CNOT4: variants seen among roughly 807,000 people sequenced by gnomAD.
CNOT4 encodes CCR4-NOT transcription complex subunit 4, also known as CCR4-associated factor 4.
A neutral mutation model predicts 73.8 loss-of-function variants in CNOT4; 8 were observed. That is an observed-to-expected ratio of 0.11 (90% CI 0.06 to 0.20). The LOEUF (loss-of-function observed/expected upper bound fraction) is 0.20, where lower values mean the gene tolerates loss of function less well. Among genes scored for constraint, CNOT4 ranks in the 10% least tolerant of loss-of-function variants. CNOT4 has a pLI of 1.00. For synonymous variants in CNOT4, 293 were observed against 321.1 expected (o/e 0.91, Z 0.94); for missense variants, 564 against 883.4 (o/e 0.64, Z 4.58).
At chr7:135,464,440 G>A (rs1801095225) in intron 1 of CNOT4, among the ~76,000 whole-genome samples, 4 of 152,146 alleles carry the variant, frequency 2.6e-5, no homozygotes, top group Admixed American at 2.6e-4. Context: ...GGAACAGACA[G>A]CCAAATACTG....
intron 1 of CNOT4, among the ~76,000 whole-genome samples, chr7:135,448,714 A>C (rs1309271818): frequency 6.6e-6 from 1 of 152,196 alleles, no homozygotes; most frequent in Non-Finnish European, 1.5e-5. Context: ...TGCAGAAGGA[A>C]GGTATAATGA....
chr7:135,488,615 TTTTG>T (rs1802897926), intron 1 of CNOT4, among the ~76,000 whole-genome samples: 1 of 152,188 alleles, frequency 6.6e-6, no homozygotes, highest in Non-Finnish European at 1.5e-5. Flanking sequence ...AGTGCAGGTG[TTTTG>T]TTTATTTGCT....
At position 135,495,895 on chromosome 7, in the gene CNOT4, C is replaced by T. The variant is rs555393361; in HGVS notation, c.-93+13994G>A. Among the ~76,000 whole-genome samples the T allele has an allele frequency of 2.0e-5, 3 of 151,572 alleles. No homozygotes were observed. In the East Asian group the frequency reaches 5.9e-4, roughly 30 times the overall value. Reference sequence around the variant, plus strand: ...GCTGCAATAAGCTATGATTGTGCCACTGCACTCCAGCCTGGAAAACAAAGG... The same window carrying T: ...GCTGCAATAAGCTATGATTGTGCCATTGCACTCCAGCCTGGAAAACAAAGG... On this transcript the variant is annotated intron_variant, in intron 1 of 11. Coordinates refer to ENST00000541284, the MANE Select transcript of CNOT4 (RefSeq NM_001190850.2).
rs756166559 is a variant in CNOT4 at position 135,410,561 on chromosome 7, C to A, written c.775G>T (p.Val259Phe). 3 of 1,574,552 alleles carry A rather than the reference C, an allele frequency of 1.9e-6. No homozygotes were observed. In the African/African-American group the frequency reaches 4.1e-5, roughly 22 times the overall value. The change falls in exon 7 of 12, where the codon GTT becomes TTT. Residue 259 changes from valine (V) to phenylalanine (F), a missense_variant. By Grantham distance (50) the Val-to-Phe change is conservative. Around this residue, in one of 10 missense-constraint regions of CNOT4, gnomAD observed 135 missense variants for 154.0 expected, o/e 0.88. Transcript: ENST00000541284. ...PNFLQLSTGSVDKNKNKVTPL... is the reference protein window; with the variant it reads ...PNFLQLSTGSFDKNKNKVTPL... ...GTCACTTTGTTCTTATTTTTATCAA[C>A]TGAACCCGTAGATAGCTGAAGAAAA...
At chr7:135,381,766 T>C (rs1234195321) in intron 10 of CNOT4, among the ~76,000 whole-genome samples, 1 of 152,170 alleles carries the variant, frequency 6.6e-6, no homozygotes, top group Non-Finnish European at 1.5e-5. Flanking sequence ...AAATAATTAA[T>C]TGAACGTTAT....
chr7:135,390,017 G>C (rs1232634525), intron 10 of CNOT4, among the ~76,000 whole-genome samples: 1 of 152,012 alleles, frequency 6.6e-6, no homozygotes, highest in Non-Finnish European at 1.5e-5. Flanking sequence ...ATATTAATAA[G>C]GACTAAGAAA....
chr7:135,488,179 CT>C (rs1387813917), intron 1 of CNOT4, among the ~76,000 whole-genome samples: 2 of 152,014 alleles, frequency 1.3e-5, no homozygotes, highest in Non-Finnish European at 2.9e-5. Context: ...AAACTTAAGT[CT>C]TTTTTTGAGC....
chr7:135,432,986 A>G (rs1798936049), intron 2 of CNOT4, among the ~76,000 whole-genome samples: 1 of 152,192 alleles, frequency 6.6e-6, no homozygotes, highest in Non-Finnish European at 1.5e-5. Context: ...TTCCAAATAA[A>G]AAAGTTTGTG....
At chr7:135,444,498 G>A in intron 1 of CNOT4, 6 of 873,082 alleles carry the variant, frequency 6.9e-6, no homozygotes, top group African/African-American at 1.6e-5. Context: ...TGCCCAAGGA[G>A]GTCGAGCTCT....
intron 10 of CNOT4, among the ~76,000 whole-genome samples, chr7:135,390,515 T>C (rs1015231398): frequency 2.6e-5 from 4 of 152,126 alleles, no homozygotes; most frequent in South Asian, 2.1e-4. Flanking sequence ...AGAATATTTA[T>C]GTCAAAAATA....
intron 1 of CNOT4, among the ~76,000 whole-genome samples, chr7:135,464,608 G>A (rs1801106656): frequency 1.3e-5 from 2 of 152,192 alleles, no homozygotes; most frequent in Non-Finnish European, 2.9e-5. Flanking sequence ...TAATATCTGG[G>A]TGATGTGACA....
At chr7:135,502,292 CT>C (rs902066233) in intron 1 of CNOT4, among the ~76,000 whole-genome samples, 11 of 152,196 alleles carry the variant, frequency 7.2e-5, no homozygotes, top group Non-Finnish European at 1.5e-4. Flanking sequence ...AGTACACAAT[CT>C]TTATTCAAGA....
chr7:135,509,253 G>C (rs1337435070), intron 1 of CNOT4: 1 of 152,354 alleles, frequency 6.6e-6, no homozygotes, highest in East Asian at 1.9e-4. Context: ...TTAAGGGGCA[G>C]CTTTAAGATG....
chr7:135,362,692 A>AT lies in CNOT4; in HGVS notation c.*192dup. 1.4e-6 allele frequency: 1 copy of AT among 734,108 alleles called. No homozygotes were observed. Among genetic ancestry groups the AT allele is most frequent in the Non-Finnish European group, 2.5e-6 (1 of 404,274 alleles). 45.5% of individuals were successfully genotyped at this position (734,108 alleles called of 1,614,324 possible). A position where few individuals can be genotyped will look rare whatever the true frequency, so the allele number is the denominator to read the frequency against. ...TCACTCAAATGCTGGATCAACAAAA[A>AT]TTTTTACAATTAATAAAGAGATGGT... On this transcript the variant is annotated 3_prime_UTR_variant, in exon 12 of 12. Coordinates refer to ENST00000541284, the MANE Select transcript of CNOT4 (RefSeq NM_001190850.2).
intron 1 of CNOT4, among the ~76,000 whole-genome samples, chr7:135,464,571 G>C (rs917445718): frequency 6.6e-6 from 1 of 152,024 alleles, no homozygotes; most frequent in African/African-American, 2.4e-5. Flanking sequence ...GAGAGGAGCA[G>C]AAAAGATAAC....
At chr7:135,490,147 G>T (rs952713695) in intron 1 of CNOT4, among the ~76,000 whole-genome samples, 2 of 152,096 alleles carry the variant, frequency 1.3e-5, no homozygotes, top group Non-Finnish European at 2.9e-5. Context: ...TTTCACATAC[G>T]ATTTCTTCGT....
intron 1 of CNOT4, among the ~76,000 whole-genome samples, chr7:135,453,826 T>TTATTTATATATA (rs1554438703): frequency 2.2e-5 from 2 of 89,902 alleles, no homozygotes. Flanking sequence ...TATATATATT[T>TTATTTATATATA]TATATATATA....
intron 7 of CNOT4, among the ~76,000 whole-genome samples, chr7:135,403,485 A>T (rs1048726654): frequency 5.3e-5 from 8 of 152,162 alleles, no homozygotes; most frequent in African/African-American, 1.7e-4. Context: ...TGGGTGTAGC[A>T]CTACGTGCCT....
Position 135,417,727 on chromosome 7 carries a change from G to A in CNOT4, c.373-2465C>T, listed in dbSNP as rs114893415. 4.2e-3 allele frequency among the ~76,000 whole-genome samples: 637 copies of A among 152,252 alleles called. 3 individuals are homozygous for A. The highest frequency in any genetic ancestry group is 9.9e-3 in the African/African-American group (413 of 41,574). The stretch of plus-strand genomic sequence containing the variant: ...TAGGATAAAGTGCAAACTCCTTAGC[G>A]TGGTTAGAAAGCCCTTCATGATCCA... On this transcript the variant is annotated intron_variant, in intron 3 of 11. Coordinates refer to ENST00000541284, the MANE Select transcript of CNOT4 (RefSeq NM_001190850.2).
Sources: gnomAD v4.1 joint callset for allele counts (sites outside exome capture counted in the v4.1 genomes callset) on GRCh38, gnomAD v4.1.1 for gene constraint, gnomAD v4.1.1 regional missense constraint, MANE v1.5 for transcripts, NCBI Gene and HGNC (gene_info 2026-07-23, HGNC 2026-07-21) for gene names.